Variants in MBD5 observed in about 807,000 individuals in gnomAD.
MBD5 encodes the protein methyl-CpG binding domain protein 5, also known as methyl-CpG-binding domain protein 5.
In MBD5, 13 loss-of-function variants were observed where a neutral mutation model predicts 117.3. That is an observed-to-expected ratio of 0.11 (90% CI 0.07 to 0.18). The LOEUF is 0.18. Among genes scored for constraint, MBD5 ranks in the 10% least tolerant of loss-of-function variants. The pLI is 1.00. For missense variants in MBD5, 1,879 were observed against 2,093.8 expected, an observed-to-expected ratio of 0.90 and a Z score of 2.00; for synonymous variants, 727 against 766.4, an observed-to-expected ratio of 0.95 and a Z score of 0.85.
intron 3 of MBD5, among the ~76,000 whole-genome samples, chr2:148,248,090 G>A (rs1268148597): frequency 2.0e-5 from 3 of 152,088 alleles, no homozygotes; most frequent in African/African-American, 7.2e-5. Flanking sequence ...TTGTTTTCAT[G>A]GCCTCCTATT....
At chr2:148,447,187 G>GAAAGAAAGA (rs1325713133) in intron 4 of MBD5, among the ~76,000 whole-genome samples, 85 of 8,702 alleles carry the variant, frequency 9.8e-3, no homozygotes, top group Admixed American at 0.025. Context: ...AGGAAAGAAA[G>GAAAGAAAGA]AAAGAAAGAA....
At chr2:148,487,281 A>T (rs1000789321) in intron 10 of MBD5, among the ~76,000 whole-genome samples, 8 of 152,182 alleles carry the variant, frequency 5.3e-5, no homozygotes, top group Non-Finnish European at 1.0e-4. Context: ...ATAAGGCAGG[A>T]TTCCTGAGGA....
intron 4 of MBD5, among the ~76,000 whole-genome samples, chr2:148,430,259 A>T (rs1433446612): frequency 6.6e-6 from 1 of 152,104 alleles, no homozygotes; most frequent in East Asian, 1.9e-4. Flanking sequence ...TGAACAATCT[A>T]TTATCTTCAT....
chr2:148,338,860 G>A (rs1277315144), intron 3 of MBD5, among the ~76,000 whole-genome samples: 1 of 152,150 alleles, frequency 6.6e-6, no homozygotes. Flanking sequence ...ACAAACATAT[G>A]ATGTGAAATG....
chr2:148,369,900 A>C (rs950059141), intron 4 of MBD5, among the ~76,000 whole-genome samples: 1 of 151,832 alleles, frequency 6.6e-6, no homozygotes, highest in Non-Finnish European at 1.5e-5. Context: ...TGTATAATAG[A>C]TAGCTATTTC....
chr2:148,412,272 T>TTGTGTGTGTGTGTGTGTGTG (rs59209677), intron 4 of MBD5, among the ~76,000 whole-genome samples: 62 of 144,582 alleles, frequency 4.3e-4, no homozygotes, highest in African/African-American at 1.5e-3. Flanking sequence ...AGTATACTTT[T>TTGTGTGTGTGTGTGTGTGTG]TGTGTGTGTG....
chr2:148,319,866 C>G (rs376785407), intron 3 of MBD5, among the ~76,000 whole-genome samples: 3 of 152,254 alleles, frequency 2.0e-5, no homozygotes, highest in East Asian at 3.9e-4. Context: ...ATTTTCCCCA[C>G]CAAGTATGAT....
At chr2:148,200,827 T>A (rs115340429) in intron 2 of MBD5, among the ~76,000 whole-genome samples, 5,659 of 152,232 alleles carry the variant, frequency 0.037, 282 homozygotes, top group African/African-American at 0.11. Flanking sequence ...TCTAAAGAAG[T>A]TCTTCTGATC....
chr2:148,322,995 C>A (rs1702327057), intron 3 of MBD5, among the ~76,000 whole-genome samples: 1 of 141,842 alleles, frequency 7.1e-6, no homozygotes, highest in Non-Finnish European at 1.5e-5. Flanking sequence ...TCCCTCCCCA[C>A]TCCCCCAACC....
At chr2:148,363,047 G>A (rs1385659340) in intron 4 of MBD5, among the ~76,000 whole-genome samples, 2 of 152,088 alleles carry the variant, frequency 1.3e-5, no homozygotes, top group African/African-American at 2.4e-5. Context: ...AGTGCAAAAC[G>A]GCTGAAAATT....
At chr2:148,096,222 T>C (rs1696064070) in intron 1 of MBD5, among the ~76,000 whole-genome samples, 1 of 152,196 alleles carries the variant, frequency 6.6e-6, no homozygotes, top group Middle Eastern at 3.2e-3. Flanking sequence ...TATTCCTTAC[T>C]GCAAAGCAGC....
chr2:148,133,496 T>G (rs1183500287), intron 1 of MBD5, among the ~76,000 whole-genome samples: 1 of 152,196 alleles, frequency 6.6e-6, no homozygotes, highest in East Asian at 1.9e-4. Flanking sequence ...CTTGTCATTT[T>G]GGTTGTCAAA....
At chr2:148,126,503 A>G (rs1433636457) in intron 1 of MBD5, among the ~76,000 whole-genome samples, 18 of 151,964 alleles carry the variant, frequency 1.2e-4, no homozygotes, top group Admixed American at 1.2e-3. Flanking sequence ...ATGGCTACAT[A>G]TTACCTTCCA....
chr2:148,055,066 A>C (rs1259972700), intron 1 of MBD5: 3 of 152,168 alleles, frequency 2.0e-5, no homozygotes, highest in Non-Finnish European at 4.4e-5. Context: ...TCATGATTCT[A>C]CTTTAGATTC....
intron 7 of MBD5, 71 bp downstream of exon 7, chr2:148,463,990 C>G: frequency 6.7e-7 from 1 of 1,493,788 alleles, no homozygotes; most frequent in East Asian, 2.3e-5. Flanking sequence ...ATCATTTTGC[C>G]TAGCATTTTC....
At chr2:148,498,239 C>T (rs937192009) in intron 11 of MBD5, among the ~76,000 whole-genome samples, 1 of 152,220 alleles carries the variant, frequency 6.6e-6, no homozygotes, top group East Asian at 1.9e-4. Context: ...CAATAAGGAG[C>T]ACCAAAGAAT....
Position 148,087,738 on chromosome 2 carries a change from T to G in MBD5, c.-925+66054T>G, listed in dbSNP as rs1695832397. Reference sequence around the variant, plus strand: ...ACAGCAGCACTCTAGTTCCACATTTTTCCACTACCATAGTCTACCCAAATG... The same window carrying G: ...ACAGCAGCACTCTAGTTCCACATTTGTCCACTACCATAGTCTACCCAAATG... On this transcript the variant is annotated intron_variant, in intron 1 of 13. Transcript: ENST00000642680. Among the ~76,000 whole-genome samples the G allele has an allele frequency of 2.6e-5, 4 of 152,184 alleles. No individual in the cohort carries two copies. In the South Asian group the frequency reaches 8.3e-4, roughly 31 times the overall value.
intron 11 of MBD5, 98 bp from the exon 12 acceptor site, chr2:148,502,338 C>G: frequency 1.9e-6 from 2 of 1,069,130 alleles, no homozygotes; most frequent in East Asian, 2.5e-5. Flanking sequence ...CTCCCCTCCC[C>G]GCCAGTGCAG....
At chr2:148,210,146 A>G (rs1286275631) in intron 2 of MBD5, among the ~76,000 whole-genome samples, 1 of 152,140 alleles carries the variant, frequency 6.6e-6, no homozygotes, top group Non-Finnish European at 1.5e-5. Context: ...TCTTAATTTT[A>G]TTTTCATTTC....
Sources: allele counts gnomAD v4.1 joint callset (sites outside exome capture counted in the v4.1 genomes callset), GRCh38; gene constraint gnomAD v4.1.1; transcripts MANE v1.5; gene names NCBI Gene and HGNC (gene_info 2026-07-23, HGNC 2026-07-21).